MRPL3: variants seen among roughly 807,000 people sequenced by gnomAD.
MRPL3 encodes the protein mitochondrial ribosomal protein L3, also known as large ribosomal subunit protein uL3m.
MRPL3 carries 43 observed loss-of-function variants against 44.3 expected under a neutral mutation model. That is an observed-to-expected ratio of 0.97 (90% CI 0.76 to 1.25). The LOEUF (loss-of-function observed/expected upper bound fraction) is 1.25, where lower values mean the gene tolerates loss of function less well. Ranked by LOEUF, MRPL3 falls within the 50% of genes most tolerant of loss-of-function variation. The pLI, the probability that MRPL3 is intolerant of heterozygous loss-of-function variation, is 0.00. For synonymous variants in MRPL3, 171 were observed against 152.3 expected (o/e 1.12, Z -0.91); for missense variants, 406 against 427.6 (o/e 0.95, Z 0.45).
At chr3:131,475,727 AAACT>A (rs1933839749) in intron 6 of MRPL3, among the ~76,000 whole-genome samples, 1 of 152,258 alleles carries the variant, frequency 6.6e-6, no homozygotes, top group South Asian at 2.1e-4. Context: ...TTAATTATGT[AAACT>A]AACATCTAAG....
rs1301376093 is a variant in MRPL3 at position 131,502,959 on chromosome 3, C to T, written c.-138G>A. 2 of 801,304 alleles carry T rather than the reference C, an allele frequency of 2.5e-6. No homozygotes were observed. The highest frequency in any genetic ancestry group is 3.4e-5 in the African/African-American group (2 of 58,686). The allele number at this position is 801,304 out of a possible 1,614,324, so 49.6% of individuals were successfully genotyped here. A position where few individuals can be genotyped will look rare whatever the true frequency, so the allele number is the denominator to read the frequency against. On this transcript the variant is annotated 5_prime_UTR_variant, in exon 1 of 10. Coordinates refer to ENST00000264995, the MANE Select transcript of MRPL3 (RefSeq NM_007208.4). ...AATGGCCGCCGGAACGGTCGCCGGCCGATGCTCTCTGCGACGGAAAGAAAG... is the reference window on the plus strand; with the variant it reads ...AATGGCCGCCGGAACGGTCGCCGGCTGATGCTCTCTGCGACGGAAAGAAAG...
chr3:131,479,287 T>G, intron 6 of MRPL3: 1 of 416,690 alleles, frequency 2.4e-6, no homozygotes, highest in Non-Finnish European at 4.8e-6. Context: ...TTAAGTGACT[T>G]GTACATATAT....
At position 131,496,271 on chromosome 3, in the gene MRPL3, T is replaced by A. The variant is rs115656905; in HGVS notation, c.468+1908A>T. The stretch of plus-strand genomic sequence containing the variant: ...TAAAAAGTCAAACACTTGATTTTTT[T>A]AAAAAGTTCCCATAAATATCTCATT... On this transcript the variant is annotated intron_variant, in intron 4 of 9. Transcript: ENST00000264995. Among the ~76,000 whole-genome samples the A allele has an allele frequency of 6.0e-3, 911 of 152,324 alleles. 8 individuals carry two copies. The highest frequency in any genetic ancestry group is 0.02 in the African/African-American group (829 of 41,574).
At chr3:131,466,689 TTG>T (rs1491292446) in intron 9 of MRPL3, among the ~76,000 whole-genome samples, 63 of 86,374 alleles carry the variant, frequency 7.3e-4, no homozygotes, top group African/African-American at 1.0e-3. Flanking sequence ...AGCATTTTTT[TTG>T]GGGGGGGGTG....
In MRPL3 at chr3:131,502,773, G is replaced by T. The variant is rs1485897099; in HGVS notation, c.49C>A (p.Arg17=). The change falls in exon 1 of 10, where the codon CGA becomes AGA. Residue 17 remains arginine (R), a synonymous_variant. Transcript: ENST00000264995. ...LTQVGAQVLG[R]LGDGLGAALG... Reference sequence around the variant, plus strand: ...GCAGCACCCAGGCCGTCCCCGAGTCGACCCAGCACCTGGGCGCCGACCTGC... The same window carrying T: ...GCAGCACCCAGGCCGTCCCCGAGTCTACCCAGCACCTGGGCGCCGACCTGC... 1 of 1,612,238 alleles carries T rather than the reference G, an allele frequency of 6.2e-7. No homozygotes were observed. Among genetic ancestry groups the T allele is most frequent in the South Asian group, 1.1e-5 (1 of 90,824 alleles).
Position 131,490,001 on chromosome 3 carries a change from T to A in MRPL3, c.548A>T (p.Asp183Val). The A allele has an allele frequency of 1.9e-6, 3 of 1,608,654 alleles. No individual in the cohort carries two copies. Among genetic ancestry groups the A allele is most frequent in the South Asian group, 1.1e-5 (1 of 90,910 alleles). Residue 183 changes from aspartate (D) to valine (V), a missense_variant, in exon 5 of 10, where the codon GAT becomes GTT. Transcript: ENST00000264995. Reference protein sequence around the residue: ...KQTVKIFNITDNAAIKPGTPL... With the variant: ...KQTVKIFNITVNAAIKPGTPL... ...ATTACCTGGTTTAATTGCAGCATTA[T>A]CTGTTATATTAAAGATTTTAACTGT...
intron 8 of MRPL3, among the ~76,000 whole-genome samples, chr3:131,469,121 TAC>T (rs933396386): frequency 1.6e-4 from 25 of 152,250 alleles, no homozygotes; most frequent in African/African-American, 5.8e-4. Context: ...CTTTTAAATA[TAC>T]ACAGACATTT....
chr3:131,466,794 A>C (rs1164407496), intron 9 of MRPL3, among the ~76,000 whole-genome samples: 1 of 152,134 alleles, frequency 6.6e-6, no homozygotes, highest in African/African-American at 2.4e-5. Context: ...TGATAAAATC[A>C]GGATAACTAG....
At chr3:131,463,607 T>C (rs1293390534) in intron 9 of MRPL3, among the ~76,000 whole-genome samples, 1 of 152,150 alleles carries the variant, frequency 6.6e-6, no homozygotes, top group African/African-American at 2.4e-5. Context: ...AGAGCATACA[T>C]TCTTATTGAT....
intron 6 of MRPL3, among the ~76,000 whole-genome samples, chr3:131,480,358 G>C (rs1933957194): frequency 6.6e-6 from 1 of 152,182 alleles, no homozygotes; most frequent in Non-Finnish European, 1.5e-5. Flanking sequence ...CCAGTTGCTT[G>C]GTGTTCCATT....
At chr3:131,495,462 G>GGTCC (rs1376608262) in intron 4 of MRPL3, among the ~76,000 whole-genome samples, 1 of 152,060 alleles carries the variant, frequency 6.6e-6, no homozygotes, top group Non-Finnish European at 1.5e-5. Flanking sequence ...GAAGAAAGAA[G>GGTCC]GTCCTTCGCA....
intron 6 of MRPL3, among the ~76,000 whole-genome samples, chr3:131,474,114 C>G (rs982406216): frequency 1.3e-5 from 2 of 152,086 alleles, no homozygotes; most frequent in Non-Finnish European, 2.9e-5. Context: ...ATTTATTGAG[C>G]ACCATTCACA....
At position 131,475,394 on chromosome 3, in the gene MRPL3, A is replaced by G. The variant is rs1933833487; in HGVS notation, c.630-4115T>C. Among the ~76,000 whole-genome samples the G allele has an allele frequency of 2.0e-5, 3 of 152,178 alleles. No homozygotes were observed. The South Asian group carries it at 6.2e-4, about 31-fold the overall frequency. On this transcript the variant is annotated intron_variant, in intron 6 of 9. Coordinates refer to ENST00000264995, the MANE Select transcript of MRPL3 (RefSeq NM_007208.4). ...TAAGGATAAGGCTGGGTCTGGTGGC[A>G]CATGCCTGTAATCCCAGCACTTTGG...
chr3:131,496,287 A>G (rs536299023), intron 4 of MRPL3, among the ~76,000 whole-genome samples: 1 of 152,356 alleles, frequency 6.6e-6, no homozygotes, highest in Admixed American at 6.5e-5. Context: ...GTTCCCATAA[A>G]TATCTCATTG....
chr3:131,486,357 T>C (rs1246985568), intron 6 of MRPL3, among the ~76,000 whole-genome samples: 5 of 99,710 alleles, frequency 5.0e-5, no homozygotes, highest in Non-Finnish European at 9.5e-5. Flanking sequence ...AAAGAGCTTC[T>C]GCACGGCAAA....
In MRPL3 at chr3:131,490,084, G is replaced by C; in HGVS notation, c.469-4C>G. ...ATTCCAATATGGATGTAGCTTTCTA[G>C]AGGAAAAGCAGCACATATAAGTAAT... On this transcript the variant is annotated splice_region_variant and splice_polypyrimidine_tract_variant and intron_variant, in intron 4 of 9. Coordinates refer to ENST00000264995, the MANE Select transcript of MRPL3 (RefSeq NM_007208.4). 1 of 1,587,840 alleles carries C rather than the reference G, an allele frequency of 6.3e-7. No homozygotes were observed. Among genetic ancestry groups the C allele is most frequent in the Non-Finnish European group, 8.6e-7 (1 of 1,156,668 alleles).
At chr3:131,499,863 G>C (rs1934455281) in intron 3 of MRPL3, among the ~76,000 whole-genome samples, 1 of 152,158 alleles carries the variant, frequency 6.6e-6, no homozygotes, top group Non-Finnish European at 1.5e-5. Flanking sequence ...ATAACCTTTT[G>C]AAGTAGCTCA....
intron 4 of MRPL3, among the ~76,000 whole-genome samples, chr3:131,494,232 A>G (rs1322779392): frequency 6.6e-6 from 1 of 152,232 alleles, no homozygotes; most frequent in Non-Finnish European, 1.5e-5. Flanking sequence ...CACAAGAGTG[A>G]TAACACAAAT....
At chr3:131,462,978 A>G in intron 9 of MRPL3, 103 bp from the exon 10 acceptor site, 2 of 924,252 alleles carry the variant, frequency 2.2e-6, no homozygotes, top group Non-Finnish European at 3.2e-6. Context: ...TACATTTTCT[A>G]ATGTGAATAA....
Sources: allele counts gnomAD v4.1 joint callset (sites outside exome capture counted in the v4.1 genomes callset), GRCh38; gene constraint gnomAD v4.1.1; transcripts MANE v1.5; gene names NCBI Gene and HGNC (gene_info 2026-07-23, HGNC 2026-07-21).